FCRL5: variants seen among roughly 807,000 people sequenced by gnomAD.
FCRL5 encodes the protein Fc receptor like 5, also known as Fc receptor-like protein 5.
In FCRL5, 79 loss-of-function variants were observed where a neutral mutation model predicts 92.1. That is an observed-to-expected ratio of 0.86 (90% CI 0.72 to 1.03). The LOEUF (loss-of-function observed/expected upper bound fraction) is 1.03. Ranked by LOEUF, FCRL5 falls within the 50% of genes least tolerant of loss-of-function variation. The pLI, the probability that FCRL5 is intolerant of heterozygous loss-of-function variation, is 0.00. For missense variants in FCRL5, 1,160 were observed against 1,181.1 expected, an observed-to-expected ratio of 0.98 and a Z score of 0.26; for synonymous variants, 466 against 469.3, an observed-to-expected ratio of 0.99 and a Z score of 0.09.
In FCRL5 at chr1:157,544,480, A is replaced by G. The variant is rs1219978738; in HGVS notation, c.626T>C (p.Leu209Pro). The G allele has an allele frequency of 6.2e-6, 10 of 1,614,132 alleles. No homozygotes were observed. Among genetic ancestry groups the G allele is most frequent in the Non-Finnish European group, 8.5e-6 (10 of 1,180,052 alleles). ...FQPISGNPVTLTCETQLSLER... is the reference protein window; with the variant it reads ...FQPISGNPVTPTCETQLSLER... ...TAGAGAGAGCTGGGTCTCACAGGTC[A>G]GGGTCACTGGGTTCCCGCTGATGGG... The change falls in exon 5 of 17, where the codon CTG becomes CCG. Residue 209 changes from leucine (L) to proline (P), a missense_variant. By Grantham distance (98) the Leu-to-Pro change is moderately conservative. Transcript: ENST00000361835.
chr1:157,543,084 C>G lies in FCRL5; in HGVS notation c.898G>C (p.Glu300Gln). Residue 300 changes from glutamate (E) to glutamine (Q), a missense_variant, in exon 6 of 17, where the codon GAG becomes CAG. Transcript: ENST00000361835. ...CAGTGAAGTGTCACCTTGGTTCCCT[C>G]AAAATTCAGAGCCTTTTCAGGGCTG... ...TLSPEKALNF[E>Q]GTKVTLHCET... 2 of 1,614,198 alleles carry G rather than the reference C, an allele frequency of 1.2e-6. No individual in the cohort carries two copies. The highest frequency in any genetic ancestry group is 8.5e-7 in the Non-Finnish European group (1 of 1,180,022).
intron 1 of FCRL5, among the ~76,000 whole-genome samples, 163 bp from the exon 2 acceptor site, chr1:157,549,743 T>A (rs893058043): frequency 2.7e-4 from 41 of 151,990 alleles, no homozygotes; most frequent in African/African-American, 9.6e-4. Flanking sequence ...CACATAAATA[T>A]ACATATATAT....
chr1:157,531,931 A>G (rs1364833407), intron 8 of FCRL5: 4 of 152,192 alleles, frequency 2.6e-5, no homozygotes, highest in African/African-American at 9.6e-5. Context: ...GTTAATGGTC[A>G]GTTATAATAT....
chr1:157,520,550 G>C lies in FCRL5; in HGVS notation c.2516-3C>G. On this transcript the variant is annotated splice_region_variant and splice_polypyrimidine_tract_variant and intron_variant, in intron 11 of 16. Coordinates refer to ENST00000361835, the MANE Select transcript of FCRL5 (RefSeq NM_031281.3). ...GCCACTTCTGTTCGCGGTCAGCCCTGAGGGGGAGACCCTGTGTGTGAGCCA... is the reference window on the plus strand; with the variant it reads ...GCCACTTCTGTTCGCGGTCAGCCCTCAGGGGGAGACCCTGTGTGTGAGCCA... 6.3e-7 allele frequency: 1 copy of C among 1,581,598 alleles called. No homozygotes were observed. The highest frequency in any genetic ancestry group is 8.6e-7 in the Non-Finnish European group (1 of 1,163,088).
chr1:157,546,615 A>G (rs1651553582), intron 3 of FCRL5, among the ~76,000 whole-genome samples: 1 of 152,232 alleles, frequency 6.6e-6, no homozygotes, highest in African/African-American at 2.4e-5. Context: ...ACAGGTTTCT[A>G]TTGAATAAGC....
intron 1 of FCRL5, among the ~76,000 whole-genome samples, chr1:157,550,524 G>A (rs143560755): frequency 6.6e-6 from 1 of 152,314 alleles, no homozygotes; most frequent in Non-Finnish European, 1.5e-5. Flanking sequence ...CTCAGCCCAA[G>A]AGATGGTAAT....
chr1:157,543,258 C>T (rs1442492481), intron 5 of FCRL5, 121 bp from the exon 6 acceptor site: 1 of 933,202 alleles, frequency 1.1e-6, no homozygotes, highest in Admixed American at 2.5e-5. Flanking sequence ...ATCAGAACCA[C>T]ACACCCTTAC....
At chr1:157,531,234 T>G (rs1279059045) in intron 8 of FCRL5, among the ~76,000 whole-genome samples, 1 of 152,186 alleles carries the variant, frequency 6.6e-6, no homozygotes, top group East Asian at 1.9e-4. Flanking sequence ...TCAATATCAC[T>G]AATTATTGGG....
rs781617116 is a variant in FCRL5, at chr1:157,543,154, AT to A, written c.845-18del. On this transcript the variant is annotated intron_variant, in intron 5 of 16. Coordinates refer to ENST00000361835, the MANE Select transcript of FCRL5 (RefSeq NM_031281.3). ...ATGCAGGGACTGAGCAAGAGAAAAAATTAGTCAAGAATTGCTTTTGCCTCTT... is the reference window on the plus strand; with the variant it reads ...ATGCAGGGACTGAGCAAGAGAAAAAATAGTCAAGAATTGCTTTTGCCTCTT... 10 of 1,606,858 alleles carry A rather than the reference AT, an allele frequency of 6.2e-6. No individual in the cohort carries two copies. The highest frequency in any genetic ancestry group is 1.8e-4 in the Middle Eastern group (1 of 5,526).
intron 2 of FCRL5, among the ~76,000 whole-genome samples, chr1:157,549,187 A>G (rs1651694961): frequency 6.6e-6 from 1 of 151,376 alleles, no homozygotes; most frequent in Admixed American, 6.6e-5. Flanking sequence ...TTGCAAGGAC[A>G]AAAAACCAAA....
At position 157,515,544 on chromosome 1, in the gene FCRL5, A is replaced by C; in HGVS notation, c.*131T>G. 6.3e-7 allele frequency: 1 copy of C among 1,587,182 alleles called. No homozygotes were observed. The highest frequency in any genetic ancestry group is 1.7e-5 in the Admixed American group (1 of 59,726). On this transcript the variant is annotated 3_prime_UTR_variant, in exon 17 of 17. Coordinates refer to ENST00000361835, the MANE Select transcript of FCRL5 (RefSeq NM_031281.3). The stretch of plus-strand genomic sequence containing the variant: ...CTGCATTCTGGTCAGACTGAGAATG[A>C]GGACATGTGAAACAAAGGCCAGTAG...
At position 157,536,667 on chromosome 1, in the gene FCRL5, T is replaced by C. The variant is rs1187782580; in HGVS notation, c.1403-1775A>G. ...TATCTTGTGGTTCTCCACTGTTCTG[T>C]CTATGGTTCAGTCATCAAGAACTGA... is the stretch of plus-strand genomic sequence containing the variant. On this transcript the variant is annotated intron_variant, in intron 7 of 16. Transcript: ENST00000361835. 1.3e-5 allele frequency among the ~76,000 whole-genome samples: 2 copies of C among 152,242 alleles called. 1 individual carries two copies. Among genetic ancestry groups the C allele is most frequent in the Non-Finnish European group, 2.9e-5 (2 of 68,042 alleles).
At position 157,543,107 on chromosome 1, in the gene FCRL5, C is replaced by T; in HGVS notation, c.875G>A (p.Ser292Asn). Residue 292 changes from serine (S) to asparagine (N), a missense_variant, in exon 6 of 17, where the codon AGC becomes AAC. Coordinates refer to ENST00000361835, the MANE Select transcript of FCRL5 (RefSeq NM_031281.3). ...CTCAAAATTCAGAGCCTTTTCAGGG[C>T]TGAGAGTGAGGACAGGATGAGATGC... ...IPASHPVLTL[S>N]PEKALNFEGT... 1 of 1,614,112 alleles carries T rather than the reference C, an allele frequency of 6.2e-7. No individual in the cohort carries two copies. The highest frequency in any genetic ancestry group is 8.5e-7 in the Non-Finnish European group (1 of 1,179,986).
rs1215681940 is a variant in FCRL5 at position 157,544,176 on chromosome 1, G to A, written c.844+86C>T. The A allele has an allele frequency of 2.1e-6, 3 of 1,432,218 alleles. No homozygotes were observed. The African/African-American group carries it at 4.2e-5, about 20-fold the overall frequency. 88.7% of individuals were successfully genotyped at this position (1,432,218 alleles called of 1,614,324 possible). On this transcript the variant is annotated intron_variant, in intron 5 of 16. Coordinates refer to ENST00000361835, the MANE Select transcript of FCRL5 (RefSeq NM_031281.3). ...CTCACAGGTACGAGTTTTTTCTACA[G>A]AGACTGGTGACCCACGCTGATATGC...
In FCRL5 at chr1:157,527,684, G is replaced by T. The variant is rs756474066; in HGVS notation, c.1893C>A (p.Asn631Lys). The stretch of plus-strand genomic sequence containing the variant: ...GGCCATTGTTGGCCTCACATGAGTA[G>T]TTTCCAGAATGTTCTGCAGTCAGAG... Reference protein sequence around the residue: ...NLSLTAEHSGNYSCEANNGLV... With the variant: ...NLSLTAEHSGKYSCEANNGLV... The change falls in exon 9 of 17, where the codon AAC becomes AAA. Residue 631 changes from asparagine to lysine, a missense_variant. Asn to Lys is a moderately conservative substitution (Grantham distance 94). Transcript: ENST00000361835. 2.5e-6 allele frequency: 4 copies of T among 1,614,186 alleles called. No individual in the cohort carries two copies. Among genetic ancestry groups the T allele is most frequent in the Non-Finnish European group, 3.4e-6 (4 of 1,180,008 alleles).
At chr1:157,529,888 A>G (rs1342660914) in intron 8 of FCRL5, among the ~76,000 whole-genome samples, 1 of 152,206 alleles carries the variant, frequency 6.6e-6, no homozygotes, top group African/African-American at 2.4e-5. Flanking sequence ...CAACGAGTGC[A>G]CCAAAATCTC....
At chr1:157,542,803 G>A (rs1254847766) in intron 6 of FCRL5, 56 bp downstream of exon 6, 18 of 1,571,660 alleles carry the variant, frequency 1.1e-5, no homozygotes, top group Middle Eastern at 2.3e-4. Context: ...CCGAAGGGCA[G>A]GGTGAGGCAG....
chr1:157,524,747 G>A (rs894364775), intron 9 of FCRL5, among the ~76,000 whole-genome samples, 190 bp from the exon 10 acceptor site: 2 of 152,242 alleles, frequency 1.3e-5, no homozygotes, highest in Non-Finnish European at 2.9e-5. Context: ...GCTTGGAATA[G>A]TGGAATATAC....
intron 8 of FCRL5, among the ~76,000 whole-genome samples, chr1:157,530,164 C>T (rs184714370): frequency 3.3e-5 from 5 of 152,274 alleles, no homozygotes; most frequent in East Asian, 3.9e-4. Context: ...AAATCACACA[C>T]GTGCATGGGA....
Sources: allele counts gnomAD v4.1 joint callset (sites outside exome capture counted in the v4.1 genomes callset), GRCh38; gene constraint gnomAD v4.1.1; transcripts MANE v1.5; gene names NCBI Gene and HGNC (gene_info 2026-07-23, HGNC 2026-07-21).